The following PDE4D variants were observed in gnomAD, a reference collection of about 807,000 sequenced individuals.
PDE4D encodes the protein phosphodiesterase 4D.
PDE4D carries 24 observed loss-of-function variants against 87.4 expected under a neutral mutation model. The ratio of observed to expected loss-of-function variants is 0.27; its 90% CI spans 0.20 to 0.39. PDE4D has a LOEUF of 0.39. Among genes scored for constraint, PDE4D ranks in the 10% least tolerant of loss-of-function variants. PDE4D has a pLI of 1.00. For synonymous variants in PDE4D, 384 were observed against 383.2 expected (o/e 1.00, Z -0.02); for missense variants, 714 against 1,041.0 (o/e 0.69, Z 4.32).
chr5:60,227,296 C>T (rs1745229542), intron 1 of PDE4D, among the ~76,000 whole-genome samples: 1 of 151,984 alleles, frequency 6.6e-6, no homozygotes, highest in South Asian at 2.1e-4. Flanking sequence ...TACCCTTTCC[C>T]TTTCAGTTGT....
intron 2 of PDE4D, among the ~76,000 whole-genome samples, chr5:60,011,806 C>A (rs1022889885): frequency 5.3e-5 from 8 of 152,078 alleles, no homozygotes; most frequent in Admixed American, 1.3e-4. Context: ...ATTAATAACT[C>A]GGTCATCAAA....
At chr5:59,905,896 CA>C (rs1561844633) in intron 3 of PDE4D, among the ~76,000 whole-genome samples, 1 of 152,098 alleles carries the variant, frequency 6.6e-6, no homozygotes, top group Non-Finnish European at 1.5e-5. Flanking sequence ...TTTAAGCCGG[CA>C]ATGAATATTT....
chr5:59,218,499 T>C (rs1186075511), intron 1 of PDE4D, among the ~76,000 whole-genome samples: 1 of 152,162 alleles, frequency 6.6e-6, no homozygotes, highest in Non-Finnish European at 1.5e-5. Context: ...TTTTAAGCCA[T>C]AATATTAGCA....
chr5:59,574,095 A>C (rs1011451305), intron 1 of PDE4D, among the ~76,000 whole-genome samples: 1 of 1,498 alleles, frequency 6.7e-4, no homozygotes, highest in African/African-American at 1.7e-3. Context: ...TATATATATA[A>C]ATATATATTT....
At chr5:59,889,087 G>T (rs1045413767) in intron 1 of PDE4D, among the ~76,000 whole-genome samples, 2 of 151,784 alleles carry the variant, frequency 1.3e-5, no homozygotes, top group Admixed American at 6.6e-5. Flanking sequence ...AATTAGTCAG[G>T]CGTGGCGGCT....
Position 59,195,907 on chromosome 5 carries a change from A to C in PDE4D, c.648-2371T>G, listed in dbSNP as rs555500768. Reference sequence around the variant, plus strand: ...TCAGAAAACTGATACTTCGCTAAGAAGGACTCTTGAGACCCTGTGACAGGT... The same window carrying C: ...TCAGAAAACTGATACTTCGCTAAGACGGACTCTTGAGACCCTGTGACAGGT... On this transcript the variant is annotated intron_variant, in intron 2 of 14. Transcript: ENST00000340635. Among the ~76,000 whole-genome samples the C allele has an allele frequency of 1.8e-4, 28 of 152,324 alleles. 1 individual carries two copies. The South Asian group carries it at 4.3e-3, about 24-fold the overall frequency.
intron 2 of PDE4D, among the ~76,000 whole-genome samples, chr5:60,099,806 A>G (rs1174422218): frequency 2.0e-5 from 3 of 152,008 alleles, no homozygotes; most frequent in Non-Finnish European, 2.9e-5. Flanking sequence ...TAACTACTAT[A>G]AAGGGAAATC....
At chr5:59,656,812 C>G (rs1301174733) in intron 1 of PDE4D, among the ~76,000 whole-genome samples, 1 of 152,150 alleles carries the variant, frequency 6.6e-6, no homozygotes, top group Non-Finnish European at 1.5e-5. Context: ...TTCTGAGACA[C>G]TCTTCAGTTT....
chr5:59,745,400 T>C (rs1759458549), intron 1 of PDE4D, among the ~76,000 whole-genome samples: 1 of 152,192 alleles, frequency 6.6e-6, no homozygotes, highest in Admixed American at 6.5e-5. Flanking sequence ...CTCTTTTAAA[T>C]GGGCCACCCT....
intron 5 of PDE4D, among the ~76,000 whole-genome samples, chr5:59,123,065 C>T (rs1410113054): frequency 6.7e-6 from 1 of 148,884 alleles, no homozygotes; most frequent in African/African-American, 2.5e-5. Flanking sequence ...TTTTTTCAGT[C>T]TGTCAATTTT....
intron 1 of PDE4D, among the ~76,000 whole-genome samples, chr5:59,830,626 G>A (rs1413263577): frequency 1.3e-5 from 2 of 151,986 alleles, no homozygotes; most frequent in Non-Finnish European, 2.9e-5. Flanking sequence ...TTCATTAATA[G>A]CCAACTGCTG....
intron 3 of PDE4D, among the ~76,000 whole-genome samples, chr5:59,940,215 T>A (rs1757034389): frequency 6.6e-6 from 1 of 152,188 alleles, no homozygotes; most frequent in Non-Finnish European, 1.5e-5. Flanking sequence ...GTTACTAGCA[T>A]CAACTCAAGC....
At chr5:60,074,911 G>A (rs916055378) in intron 2 of PDE4D, among the ~76,000 whole-genome samples, 5 of 152,064 alleles carry the variant, frequency 3.3e-5, no homozygotes, top group Non-Finnish European at 7.4e-5. Flanking sequence ...CATATGAGAT[G>A]GGTCTCTTGA....
At chr5:59,589,649 T>C (rs1260336214) in intron 1 of PDE4D, among the ~76,000 whole-genome samples, 2 of 152,240 alleles carry the variant, frequency 1.3e-5, no homozygotes, top group African/African-American at 2.4e-5. Context: ...TGTTCATATG[T>C]CAAACCATCA....
chr5:59,232,199 T>G (rs1174882411), intron 1 of PDE4D, among the ~76,000 whole-genome samples: 2 of 152,146 alleles, frequency 1.3e-5, no homozygotes, highest in Non-Finnish European at 2.9e-5. Context: ...AATCTCTACA[T>G]AGCAAAGAAA....
intron 5 of PDE4D, chr5:59,179,643 A>T (rs762788625): frequency 2.4e-5 from 11 of 462,452 alleles, no homozygotes; most frequent in South Asian, 1.1e-4. Flanking sequence ...ACGTCTGGAC[A>T]TGATAAAGTT....
intron 2 of PDE4D, among the ~76,000 whole-genome samples, chr5:60,060,800 A>G (rs1010365319): frequency 1.3e-5 from 2 of 152,022 alleles, no homozygotes; most frequent in African/African-American, 4.8e-5. Flanking sequence ...AGATCTATTC[A>G]CTGCAGAACA....
chr5:60,431,955 C>T (rs911233959), intron 1 of PDE4D, among the ~76,000 whole-genome samples: 2 of 152,202 alleles, frequency 1.3e-5, no homozygotes, highest in African/African-American at 2.4e-5. Context: ...GGCCTGCAAT[C>T]GCAGGCACTC....
intron 2 of PDE4D, among the ~76,000 whole-genome samples, chr5:60,142,331 T>C (rs1379393023): frequency 6.6e-6 from 1 of 152,174 alleles, no homozygotes; most frequent in Non-Finnish European, 1.5e-5. Flanking sequence ...CACATAATCA[T>C]ACTCTTCACA....
Sources: allele counts gnomAD v4.1 joint callset (sites outside exome capture counted in the v4.1 genomes callset), GRCh38; gene constraint gnomAD v4.1.1; transcripts MANE v1.5; gene names NCBI Gene and HGNC (gene_info 2026-07-23, HGNC 2026-07-21).